MROH7: variants seen among roughly 807,000 people sequenced by gnomAD.
MROH7 encodes maestro heat-like repeat-containing protein family member 7.
MROH7 carries 113 observed loss-of-function variants against 129.2 expected under a neutral mutation model. The observed-to-expected ratio is 0.87, with a 90% confidence interval of 0.75 to 1.02. The LOEUF is 1.02. MROH7 is among the 50% of genes least tolerant of loss of function. MROH7 has a pLI of 0.00. For synonymous variants in MROH7, 655 were observed against 667.9 expected (o/e 0.98, Z 0.30); for missense variants, 1,601 against 1,671.3 (o/e 0.96, Z 0.73).
intron 13 of MROH7, among the ~76,000 whole-genome samples, chr1:54,680,812 G>A (rs1645057811): frequency 6.6e-6 from 1 of 152,214 alleles, no homozygotes; most frequent in African/African-American, 2.4e-5. Context: ...GTGCAAATGG[G>A]GTGTGCTCCA....
chr1:54,695,426 T>C lies in MROH7; in HGVS notation c.2900T>C (p.Leu967Pro). The C allele has an allele frequency of 1.9e-6, 3 of 1,613,790 alleles. No individual in the cohort carries two copies. In the Admixed American group the frequency reaches 5.0e-5, roughly 27 times the overall value. Residue 967 changes from leucine (L) to proline (P), a missense_variant, in exon 17 of 24, where the codon CTC becomes CCC. Leu to Pro is a moderately conservative substitution (Grantham distance 98, BLOSUM62 -3). Coordinates refer to ENST00000421030, the MANE Select transcript of MROH7 (RefSeq NM_001039464.4). ...CQELCRILYL[L>P]IPLLERGDEK... is the part of the protein sequence containing the mutation. The stretch of plus-strand genomic sequence containing the variant: ...GAGCTGTGCCGCATCCTCTACCTGC[T>C]CATCCCGCTCCTGGAGCGAGGCGAC...
At chr1:54,665,967 C>T (rs947085907) in intron 4 of MROH7, among the ~76,000 whole-genome samples, 3 of 152,228 alleles carry the variant, frequency 2.0e-5, no homozygotes, top group Admixed American at 6.5e-5. Context: ...CATCCCATGG[C>T]GTCCTTCTAG....
intron 1 of MROH7, among the ~76,000 whole-genome samples, chr1:54,647,741 G>A (rs1306947014): frequency 1.4e-5 from 2 of 141,326 alleles, no homozygotes; most frequent in African/African-American, 2.6e-5. Flanking sequence ...ACTCTGTATT[G>A]AAAAAAAAAA....
At chr1:54,699,977 G>A (rs41297859) in intron 17 of MROH7, 6,486 of 620,114 alleles carry the variant, frequency 0.01, 87 homozygotes, top group Non-Finnish European at 9.6e-3. Context: ...AACAGCCTGG[G>A]TAGTTCAGAG....
At chr1:54,705,818 G>A (rs940355362) in intron 21 of MROH7, among the ~76,000 whole-genome samples, 5 of 152,242 alleles carry the variant, frequency 3.3e-5, no homozygotes, top group East Asian at 1.9e-4. Flanking sequence ...CACATAGGTC[G>A]TCAACAGGAG....
chr1:54,645,869 T>C (rs2101051632), intron 1 of MROH7, among the ~76,000 whole-genome samples: 1 of 152,070 alleles, frequency 6.6e-6, no homozygotes, highest in South Asian at 2.1e-4. Flanking sequence ...CCCAGGCTGG[T>C]CTTGAACTCC....
chr1:54,693,310 T>A (rs1023044355), intron 16 of MROH7, among the ~76,000 whole-genome samples: 2 of 152,086 alleles, frequency 1.3e-5, no homozygotes, highest in Non-Finnish European at 2.9e-5. Flanking sequence ...ATTAGCTGGG[T>A]GTGGTGGCAT....
intron 3 of MROH7, among the ~76,000 whole-genome samples, chr1:54,656,536 T>C (rs1163229442): frequency 1.3e-5 from 2 of 150,564 alleles, no homozygotes; most frequent in Admixed American, 1.3e-4. Flanking sequence ...AAAGCTTTTT[T>C]TTCAGGCTGG....
intron 20 of MROH7, 135 bp from the exon 21 acceptor site, chr1:54,702,488 T>C (rs896819589): frequency 5.7e-6 from 5 of 877,348 alleles, no homozygotes; most frequent in Admixed American, 6.5e-5. Flanking sequence ...AATAAAATAA[T>C]AGTAATTAAA....
chr1:54,688,776 C>T lies in MROH7; in HGVS notation c.2711+2328C>T, dbSNP rs535000534. ...CTGAGAGCATTGCCCAGAAGGCTGA[C>T]GGGCTCTGGGGAAAACACAAGGGGA... On this transcript the variant is annotated intron_variant, in intron 15 of 23. Transcript: ENST00000421030. Among the ~76,000 whole-genome samples, 7 of 152,128 alleles carry T rather than the reference C, an allele frequency of 4.6e-5. No individual in the cohort carries two copies. The East Asian group carries it at 5.8e-4, about 13-fold the overall frequency.
chr1:54,645,868 G>GCTCAAATGA (rs1644458839), intron 1 of MROH7, among the ~76,000 whole-genome samples: 1 of 151,822 alleles, frequency 6.6e-6, no homozygotes, highest in Non-Finnish European at 1.5e-5. Flanking sequence ...GCCCAGGCTG[G>GCTCAAATGA]TCTTGAACTC....
chr1:54,652,351 G>T (rs921429170), intron 2 of MROH7, among the ~76,000 whole-genome samples: 1 of 152,118 alleles, frequency 6.6e-6, no homozygotes, highest in African/African-American at 2.4e-5. Context: ...TCATAAGGAG[G>T]CTCTTCCTTC....
rs374751099 is a variant in MROH7, at chr1:54,695,507, C to T, written c.2964+17C>T. 24 of 1,562,896 alleles carry T rather than the reference C, an allele frequency of 1.5e-5. No individual in the cohort carries two copies. Among genetic ancestry groups the T allele is most frequent in the African/African-American group, 1.4e-4 (10 of 73,820 alleles). On this transcript the variant is annotated intron_variant, in intron 17 of 23. Transcript: ENST00000421030. ...TTCGTGGAGGTACCAACGGGGGCAG[C>T]GGGTACACAGCGGGAGCTCCTCCCG...
In MROH7 at chr1:54,665,897, G is replaced by C. The variant is rs1443335976; in HGVS notation, c.1305+657G>C. The C allele has an allele frequency of 2.0e-5, 3 of 152,434 alleles. No homozygotes were observed. The East Asian group carries it at 5.7e-4, about 29-fold the overall frequency. 9.4% of individuals were successfully genotyped at this position (152,434 alleles called of 1,614,324 possible). ...TTCAGTCCCTGGGGCAGTGCAGGGCGGAGATGGGGAGAAGTGACTGGACTA... is the reference window on the plus strand; with the variant it reads ...TTCAGTCCCTGGGGCAGTGCAGGGCCGAGATGGGGAGAAGTGACTGGACTA... On this transcript the variant is annotated intron_variant, in intron 4 of 23. Coordinates refer to ENST00000421030, the MANE Select transcript of MROH7 (RefSeq NM_001039464.4).
Position 54,670,878 on chromosome 1 carries a change from C to T in MROH7, c.1548C>T (p.Pro516=). ...GTGTGCACAGCGTGTTCTCCCTGCC[C>T]TCCGTGCAGGCGATGCAGGAGAAGG... is the stretch of plus-strand genomic sequence containing the variant. ...NVCVHSVFSL[P]SVQAMQEKDE... Residue 516 remains proline, a synonymous_variant, in exon 7 of 24, where the codon CCC becomes CCT. Transcript: ENST00000421030. 1 of 1,613,074 alleles carries T rather than the reference C, an allele frequency of 6.2e-7. No homozygotes were observed. Among genetic ancestry groups the T allele is most frequent in the Non-Finnish European group, 8.5e-7 (1 of 1,179,680 alleles).
chr1:54,690,568 C>T (rs942748966), intron 15 of MROH7, among the ~76,000 whole-genome samples: 6 of 150,898 alleles, frequency 4.0e-5, no homozygotes, highest in Admixed American at 6.7e-5. Context: ...CTCAGCCTCC[C>T]GAGTAGCTGG....
At position 54,701,236 on chromosome 1, in the gene MROH7, G is replaced by T; in HGVS notation, c.3199G>T (p.Ala1067Ser). The change falls in exon 19 of 24, where the codon GCT (alanine) becomes TCT (serine). Residue 1067 changes from alanine to serine, a missense_variant. Physicochemically the swap from Ala to Ser is moderately conservative, Grantham distance 99 (BLOSUM62 1). Coordinates refer to ENST00000421030, the MANE Select transcript of MROH7 (RefSeq NM_001039464.4). ...GGTGGAAGCGGTCCACAACCTCAAG[G>T]CTGTCTTCAAGGGGCGGGACCAGAA... ...LVVEAVHNLKAVFKGRDQKLM... is the reference protein window; with the variant it reads ...LVVEAVHNLKSVFKGRDQKLM... The T allele has an allele frequency of 6.2e-7, 1 of 1,614,206 alleles. No homozygotes were observed.
At chr1:54,705,191 C>G (rs1308813484) in intron 21 of MROH7, among the ~76,000 whole-genome samples, 1 of 152,344 alleles carries the variant, frequency 6.6e-6, no homozygotes, top group East Asian at 1.9e-4. Flanking sequence ...TTAGACCCCT[C>G]TGGGTCCTCA....
chr1:54,701,476 T>C (rs992810680), intron 19 of MROH7, among the ~76,000 whole-genome samples, 154 bp downstream of exon 19: 2 of 152,240 alleles, frequency 1.3e-5, no homozygotes, highest in African/African-American at 2.4e-5. Flanking sequence ...GGTCCACATC[T>C]TTTTGTAAAT....
Sources: allele counts gnomAD v4.1 joint callset (sites outside exome capture counted in the v4.1 genomes callset), GRCh38; gene constraint gnomAD v4.1.1; transcripts MANE v1.5; gene names NCBI Gene and HGNC (gene_info 2026-07-23, HGNC 2026-07-21).